PAK5: variants seen among roughly 807,000 people sequenced by gnomAD.
PAK5 encodes serine/threonine-protein kinase PAK 5.
PAK5 carries 16 observed loss-of-function variants against 65.9 expected under a neutral mutation model. The ratio of observed to expected loss-of-function variants is 0.24; its 90% CI spans 0.16 to 0.37. PAK5 has a LOEUF of 0.37. PAK5 is among the 10% of genes least tolerant of loss of function. The pLI, the probability that PAK5 is intolerant of heterozygous loss-of-function variation, is 1.00. For synonymous variants in PAK5, 371 were observed against 354.9 expected, an observed-to-expected ratio of 1.05 and a Z score of -0.51; for missense variants, 785 against 903.9, an observed-to-expected ratio of 0.87 and a Z score of 1.69.
intron 4 of PAK5, among the ~76,000 whole-genome samples, chr20:9,567,963 G>A (rs1250114646): frequency 6.6e-6 from 1 of 152,188 alleles, no homozygotes; most frequent in African/African-American, 2.4e-5. Flanking sequence ...TCCTAGGAGG[G>A]GTGGTTTGGG....
chr20:9,813,153 G>A (rs538709631), intron 1 of PAK5, among the ~76,000 whole-genome samples: 477 of 152,118 alleles, frequency 3.1e-3, no homozygotes, highest in African/African-American at 0.011. Context: ...ATGATTTCAC[G>A]TATATAAAAA....
chr20:9,766,826 G>T (rs1416477810), intron 1 of PAK5, among the ~76,000 whole-genome samples: 2 of 151,952 alleles, frequency 1.3e-5, no homozygotes, highest in Non-Finnish European at 2.9e-5. Flanking sequence ...TCTGCTTTTT[G>T]ATTTGAATGC....
At chr20:9,780,057 C>T (rs2123695608) in intron 1 of PAK5, among the ~76,000 whole-genome samples, 1 of 152,176 alleles carries the variant, frequency 6.6e-6, no homozygotes, top group Middle Eastern at 3.4e-3. Flanking sequence ...TTGACATCAC[C>T]AGACACATTT....
At chr20:9,657,172 G>A (rs2047279796) in intron 2 of PAK5, among the ~76,000 whole-genome samples, 1 of 152,070 alleles carries the variant, frequency 6.6e-6, no homozygotes, top group South Asian at 2.1e-4. Context: ...CTAAGCCCTG[G>A]CAACCTGTAA....
chr20:9,775,725 T>A (rs2048880787), intron 1 of PAK5, among the ~76,000 whole-genome samples: 1 of 152,158 alleles, frequency 6.6e-6, no homozygotes, highest in Admixed American at 6.6e-5. Context: ...ATGTATCTAT[T>A]TATGGGGTAA....
intron 2 of PAK5, among the ~76,000 whole-genome samples, chr20:9,684,566 T>C (rs1265866313): frequency 6.6e-6 from 1 of 152,232 alleles, no homozygotes; most frequent in African/African-American, 2.4e-5. Context: ...TGTAACATGA[T>C]GATCCTCTTT....
chr20:9,604,143 G>T (rs2046409101), intron 3 of PAK5, among the ~76,000 whole-genome samples: 1 of 152,172 alleles, frequency 6.6e-6, no homozygotes, highest in African/African-American at 2.4e-5. Context: ...AGGGCATCCG[G>T]GAGTGGCCAA....
At chr20:9,768,305 A>T (rs1467237361) in intron 1 of PAK5, among the ~76,000 whole-genome samples, 1 of 152,040 alleles carries the variant, frequency 6.6e-6, no homozygotes, top group East Asian at 1.9e-4. Flanking sequence ...TCGAGCACAC[A>T]TGGACATAAA....
chr20:9,569,104 A>G (rs1250637079), intron 4 of PAK5, among the ~76,000 whole-genome samples: 3 of 152,236 alleles, frequency 2.0e-5, no homozygotes, highest in Non-Finnish European at 2.9e-5. Flanking sequence ...GTGAAATAGT[A>G]AATGTTTGTT....
At chr20:9,710,052 C>T (rs1007149642) in intron 2 of PAK5, among the ~76,000 whole-genome samples, 7 of 152,148 alleles carry the variant, frequency 4.6e-5, no homozygotes, top group Non-Finnish European at 8.8e-5. Flanking sequence ...CTTCAACATT[C>T]CATCTATGAA....
chr20:9,811,966 A>C (rs1297185113), intron 1 of PAK5, among the ~76,000 whole-genome samples: 1 of 152,182 alleles, frequency 6.6e-6, no homozygotes, highest in Non-Finnish European at 1.5e-5. Context: ...AAAGAAAATG[A>C]ATTATAGCAC....
At chr20:9,634,660 T>G (rs1304461204) in intron 3 of PAK5, among the ~76,000 whole-genome samples, 1 of 152,170 alleles carries the variant, frequency 6.6e-6, no homozygotes, top group East Asian at 1.9e-4. Flanking sequence ...CCAGATTGGA[T>G]GGGATCATAA....
chr20:9,707,158 G>T (rs1353176418), intron 2 of PAK5, among the ~76,000 whole-genome samples: 1 of 151,628 alleles, frequency 6.6e-6, no homozygotes, highest in African/African-American at 2.4e-5. Context: ...TTGAGATAGG[G>T]TCTTGCTCTG....
At chr20:9,785,420 T>C (rs942907790) in intron 1 of PAK5, among the ~76,000 whole-genome samples, 3 of 152,224 alleles carry the variant, frequency 2.0e-5, no homozygotes, top group African/African-American at 4.8e-5. Context: ...AAAATGGCTA[T>C]GATGAAATGT....
intron 3 of PAK5, among the ~76,000 whole-genome samples, chr20:9,624,718 T>C (rs1411714631): frequency 6.6e-6 from 1 of 151,774 alleles, no homozygotes; most frequent in African/African-American, 2.4e-5. Context: ...GCTCTGCTAT[T>C]TGAGAGTTGT....
rs920253547 is a variant in PAK5 at position 9,724,855 on chromosome 20, TA to T, written c.-161-13421del. Among the ~76,000 whole-genome samples, 16 of 151,650 alleles carry T rather than the reference TA, an allele frequency of 1.1e-4. 1 individual carries two copies. Among genetic ancestry groups the T allele is most frequent in the African/African-American group, 3.2e-4 (13 of 41,258 alleles). ...TGCTAGCACAGTAGCATAATTATAGTAAAAAAAAATTTTAATTGCATATGTT... is the reference window on the plus strand; with the variant it reads ...TGCTAGCACAGTAGCATAATTATAGTAAAAAAAATTTTAATTGCATATGTT... On this transcript the variant is annotated intron_variant, in intron 1 of 9. Transcript: ENST00000353224.
At chr20:9,760,931 C>T (rs1178056873) in intron 1 of PAK5, among the ~76,000 whole-genome samples, 2 of 152,144 alleles carry the variant, frequency 1.3e-5, no homozygotes, top group East Asian at 3.9e-4. Flanking sequence ...GCTTCAGCCT[C>T]CCAAAGTGAA....
chr20:9,793,372 C>G (rs915923161), intron 1 of PAK5, among the ~76,000 whole-genome samples: 6 of 152,046 alleles, frequency 3.9e-5, no homozygotes, highest in African/African-American at 1.4e-4. Flanking sequence ...GCCTACTGGG[C>G]AGACTACCTA....
At chr20:9,587,870 A>G (rs1043198121) in intron 3 of PAK5, among the ~76,000 whole-genome samples, 4 of 152,178 alleles carry the variant, frequency 2.6e-5, no homozygotes, top group Non-Finnish European at 4.4e-5. Flanking sequence ...ATGTATATAC[A>G]TACATATATA....
Sources: gnomAD v4.1 joint callset for allele counts (sites outside exome capture counted in the v4.1 genomes callset) on GRCh38, gnomAD v4.1.1 for gene constraint, MANE v1.5 for transcripts, NCBI Gene and HGNC (gene_info 2026-07-23, HGNC 2026-07-21) for gene names.